PTK2: variants seen among roughly 807,000 people sequenced by gnomAD.
PTK2 encodes the protein protein tyrosine kinase 2.
In PTK2, 45 loss-of-function variants were observed where a neutral mutation model predicts 150.1. That is an observed-to-expected ratio of 0.30 (90% CI 0.24 to 0.38). PTK2 has a LOEUF of 0.38. PTK2 is among the 10% of genes least tolerant of loss of function. PTK2 has a pLI of 1.00. For synonymous variants in PTK2, 432 were observed against 449.2 expected, an observed-to-expected ratio of 0.96 and a Z score of 0.48; for missense variants, 919 against 1,307.3, an observed-to-expected ratio of 0.70 and a Z score of 4.58.
intron 2 of PTK2, among the ~76,000 whole-genome samples, chr8:140,914,560 T>G (rs1408377656): frequency 6.6e-6 from 1 of 152,052 alleles, no homozygotes; most frequent in African/African-American, 2.4e-5. Flanking sequence ...AGTTTTTTTT[T>G]TTGCTTCTCT....
intron 30 of PTK2, 130 bp downstream of exon 34, chr8:140,668,139 G>A (rs765596350): frequency 3.1e-5 from 33 of 1,056,334 alleles, no homozygotes; most frequent in African/African-American, 9.5e-5. Context: ...TGGTGCTTTC[G>A]TGAAGAGCTT....
At chr8:140,811,368 C>A (rs1383933275) in intron 10 of PTK2, among the ~76,000 whole-genome samples, 10 of 152,264 alleles carry the variant, frequency 6.6e-5, no homozygotes, top group African/African-American at 2.4e-4. Flanking sequence ...CACAATCAAA[C>A]CCTCAAGGTC....
chr8:140,699,428 T>A (rs1564629726), intron 26 of PTK2, among the ~76,000 whole-genome samples: 1 of 152,176 alleles, frequency 6.6e-6, no homozygotes, highest in East Asian at 1.9e-4. Flanking sequence ...GACCTTTGTG[T>A]CAAGTAACAT....
At chr8:140,878,287 G>A (rs533440397) in intron 4 of PTK2, among the ~76,000 whole-genome samples, 4 of 152,190 alleles carry the variant, frequency 2.6e-5, no homozygotes, top group African/African-American at 7.2e-5. Flanking sequence ...TGTAACTGGC[G>A]TAGGGTTTTA....
chr8:140,896,489 C>G (rs1035825041), intron 2 of PTK2, among the ~76,000 whole-genome samples: 7 of 152,214 alleles, frequency 4.6e-5, no homozygotes, highest in African/African-American at 1.4e-4. Flanking sequence ...AAAAAGCAAT[C>G]AGTGTAATTC....
chr8:140,705,809 T>C (rs766204724), intron 24 of PTK2, among the ~76,000 whole-genome samples: 14 of 152,226 alleles, frequency 9.2e-5, no homozygotes, highest in Non-Finnish European at 1.9e-4. Flanking sequence ...TCCAGTTCAG[T>C]ACTCCCTCTG....
Position 140,700,885 on chromosome 8 carries a change from AATTACC to A in PTK2, c.2499_2499+5del, listed in dbSNP as rs1564655665. On this transcript the variant is annotated splice_donor_variant and splice_donor_5th_base_variant and coding_sequence_variant and intron_variant, in exon 26 of 32. Transcript: ENST00000522684. LOFTEE classifies it high-confidence loss of function. ...AGTCAAAGAAGCCTTTCAGAAACAC[AATTACC>A]AGAAATCTTTCCTCTTTTTCCAGCC... is the stretch of plus-strand genomic sequence containing the variant. 1 of 1,613,716 alleles carries A rather than the reference AATTACC, an allele frequency of 6.2e-7. No homozygotes were observed. Among genetic ancestry groups the A allele is most frequent in the Non-Finnish European group, 8.5e-7 (1 of 1,179,746 alleles).
At chr8:140,760,490 TTA>T (rs2100068787) in intron 16 of PTK2, among the ~76,000 whole-genome samples, 1 of 152,202 alleles carries the variant, frequency 6.6e-6, no homozygotes, top group Non-Finnish European at 1.5e-5. Flanking sequence ...AATCCATATA[TTA>T]TATGTTTCAT....
chr8:140,753,316 A>G (rs971289308), intron 16 of PTK2, among the ~76,000 whole-genome samples: 2 of 152,230 alleles, frequency 1.3e-5, no homozygotes, highest in Non-Finnish European at 2.9e-5. Flanking sequence ...GTTTTTGACC[A>G]GAAAAACTGA....
intron 4 of PTK2, among the ~76,000 whole-genome samples, chr8:140,874,458 C>T (rs1249101669): frequency 6.6e-6 from 1 of 152,148 alleles, no homozygotes; most frequent in African/African-American, 2.4e-5. Flanking sequence ...CCCTCACATA[C>T]CCACCTATGA....
exon 32 of PTK2, chr8:140,659,484 C>G (rs953310307): frequency 6.2e-7 from 1 of 1,612,618 alleles, no homozygotes; most frequent in Non-Finnish European, 8.5e-7. Flanking sequence ...GTCTCGTCTG[C>G]CCAAGCATTT....
At chr8:140,828,375 G>C (rs944811443) in intron 8 of PTK2, among the ~76,000 whole-genome samples, 3 of 152,094 alleles carry the variant, frequency 2.0e-5, no homozygotes, top group Non-Finnish European at 4.4e-5. Flanking sequence ...TCTCACTCTG[G>C]CTACACTCAC....
chr8:140,664,035 G>T (rs139024523), intron 31 of PTK2, among the ~76,000 whole-genome samples: 48 of 152,160 alleles, frequency 3.2e-4, no homozygotes, highest in African/African-American at 1.1e-3. Flanking sequence ...GCAGGCTGGA[G>T]TGCAATGGCA....
chr8:140,745,913 G>C (rs1378513995), intron 18 of PTK2, among the ~76,000 whole-genome samples: 1 of 151,474 alleles, frequency 6.6e-6, no homozygotes, highest in Non-Finnish European at 1.5e-5. Flanking sequence ...GGCAAGAGTA[G>C]TGCTTGAACC....
intron 20 of PTK2, among the ~76,000 whole-genome samples, chr8:140,741,321 G>T (rs555268688): frequency 2.0e-5 from 3 of 151,658 alleles, no homozygotes; most frequent in African/African-American, 7.3e-5. Context: ...CGGGCGTGGT[G>T]GTGGGCACCT....
chr8:140,824,141 T>G (rs917142369), intron 8 of PTK2, among the ~76,000 whole-genome samples: 2 of 152,190 alleles, frequency 1.3e-5, no homozygotes, highest in African/African-American at 4.8e-5. Context: ...GGAATGTGTG[T>G]GGTGGTAAAG....
At chr8:140,909,205 G>T (rs1602209140) in intron 2 of PTK2, 1 of 154,162 alleles carries the variant, frequency 6.5e-6, no homozygotes. Context: ...AAGGGGAGGG[G>T]TGAAACTATA....
intron 11 of PTK2, among the ~76,000 whole-genome samples, chr8:140,802,083 TA>T (rs35068428): frequency 2.8e-4 from 41 of 148,396 alleles, no homozygotes; most frequent in South Asian, 6.4e-4. Context: ...TCTACTTATT[TA>T]AAAAAAAAAA....
chr8:141,000,086 T>TACACACACACACACACACACAC (rs2100199409), intron 1 of PTK2, among the ~76,000 whole-genome samples: 1 of 27,546 alleles, frequency 3.6e-5, no homozygotes, highest in African/African-American at 1.7e-4. Context: ...ATGAAACCAA[T>TACACACACACACACACACACAC]TCACACACAC....
Sources: allele counts gnomAD v4.1 joint callset (sites outside exome capture counted in the v4.1 genomes callset), GRCh38; gene constraint gnomAD v4.1.1; transcripts MANE v1.5; gene names NCBI Gene and HGNC (gene_info 2026-07-23, HGNC 2026-07-21).